Variants in ABLIM2 observed in about 807,000 individuals in gnomAD.
ABLIM2 encodes actin-binding LIM protein 2.
ABLIM2 carries 53 observed loss-of-function variants against 97.7 expected under a neutral mutation model. The ratio of observed to expected loss-of-function variants is 0.54; its 90% confidence interval spans 0.44 to 0.68. ABLIM2 has a LOEUF of 0.68. ABLIM2 is among the 30% of genes least tolerant of loss of function. The pLI is 0.00. For missense variants in ABLIM2, 835 were observed against 867.2 expected, an observed-to-expected ratio of 0.96 and a Z score of 0.47; for synonymous variants, 361 against 345.8, an observed-to-expected ratio of 1.04 and a Z score of -0.49.
At chr4:8,027,918 T>C in intron 11 of ABLIM2, 61 bp from the exon 12 acceptor site, 5 of 1,210,336 alleles carry the variant, frequency 4.1e-6, no homozygotes, top group Non-Finnish European at 5.7e-6. Flanking sequence ...ACGCCACACA[T>C]ATTCCTCATC....
In ABLIM2 at chr4:8,054,209, G is replaced by T; in HGVS notation, c.801C>A (p.Ala267=). ...CAACCTTGTTTCTGTCTTCAGTTCT[G>T]GCTGCTTGTCGACACGCCGGATGCC... ...SIWHPACRQA[A]RTEDRNKETR... is the part of the protein sequence containing the mutation. The change falls in exon 8 of 21, where the codon GCC becomes GCA. Residue 267 remains alanine, a synonymous_variant. Transcript: ENST00000447017. The surrounding 1 kb of genome is among the most constrained non-coding windows in gnomAD (Gnocchi z 4.9). 2 of 1,614,030 alleles carry T rather than the reference G, an allele frequency of 1.2e-6. No individual in the cohort carries two copies. Among genetic ancestry groups the T allele is most frequent in the South Asian group, 2.2e-5 (2 of 91,088 alleles).
At position 8,021,119 on chromosome 4, in the gene ABLIM2, G is replaced by T. The variant is rs1459402945; in HGVS notation, c.1268-816C>A. ...AATCTGCCCACCTCTACCTCCCAAGGTGCTGGGATTACAGGCATGAGCCAC... is the reference window on the plus strand; with the variant it reads ...AATCTGCCCACCTCTACCTCCCAAGTTGCTGGGATTACAGGCATGAGCCAC... On this transcript the variant is annotated intron_variant, in intron 12 of 20. Coordinates refer to ENST00000447017, the MANE Select transcript of ABLIM2 (RefSeq NM_001130083.2). The surrounding 1 kb of genome is among the most constrained non-coding windows in gnomAD (Gnocchi z 5.5). 6.6e-6 allele frequency among the ~76,000 whole-genome samples: 1 copy of T among 152,030 alleles called. No homozygotes were observed. The highest frequency in any genetic ancestry group is 1.5e-5 in the Non-Finnish European group (1 of 67,992).
intron 7 of ABLIM2, among the ~76,000 whole-genome samples, chr4:8,057,761 C>T (rs1430767823): frequency 6.6e-6 from 1 of 152,238 alleles, no homozygotes. Context: ...TGGCCTGCCT[C>T]ATCGCCCAGG....
intron 3 of ABLIM2, among the ~76,000 whole-genome samples, chr4:8,096,066 G>A (rs533373235): frequency 1.3e-5 from 2 of 152,206 alleles, no homozygotes; most frequent in South Asian, 4.2e-4. Context: ...CCTGCCTCAG[G>A]ACGATGCCAC....
chr4:7,968,743 C>T (rs1190905171), intron 20 of ABLIM2, among the ~76,000 whole-genome samples: 4 of 152,066 alleles, frequency 2.6e-5, no homozygotes, highest in East Asian at 1.9e-4. Flanking sequence ...GAAAATGTTC[C>T]GGAGCTGGAA....
intron 17 of ABLIM2, among the ~76,000 whole-genome samples, chr4:7,990,446 A>G (rs914319925): frequency 6.6e-6 from 1 of 152,136 alleles, no homozygotes; most frequent in Non-Finnish European, 1.5e-5. Flanking sequence ...TCGGCCTCCC[A>G]AAGTGCTGAG....
rs1413310301 is a variant in ABLIM2 at position 8,004,836 on chromosome 4, G to T, written c.1618+3223C>A. ...CCTATGTGTAATATAAACAGGAACA[G>T]AAAAGCAGTCAATAATAAAATATAG... On this transcript the variant is annotated intron_variant, in intron 16 of 20. Transcript: ENST00000447017. The surrounding 1 kb of genome is among the most constrained non-coding windows in gnomAD (Gnocchi z 5.9). 6.6e-6 allele frequency among the ~76,000 whole-genome samples: 1 copy of T among 152,210 alleles called. No homozygotes were observed. The highest frequency in any genetic ancestry group is 6.5e-5 in the Admixed American group (1 of 15,282).
At position 8,130,959 on chromosome 4, in the gene ABLIM2, GTTA is replaced by G. The variant is rs1849272968; in HGVS notation, c.11-24325_11-24323del. On this transcript the variant is annotated intron_variant, in intron 1 of 20. Coordinates refer to ENST00000447017, the MANE Select transcript of ABLIM2 (RefSeq NM_001130083.2). The surrounding 1 kb of genome is among the most constrained non-coding windows in gnomAD (Gnocchi z 4.2). ...CCCAAAGGCTCTAGGGGAGGCTGCC[GTTA>G]CCTCGCCCTGCTCTTGGGGCAGCCT... Among the ~76,000 whole-genome samples the G allele has an allele frequency of 6.6e-6, 1 of 152,046 alleles. No homozygotes were observed. Among genetic ancestry groups the G allele is most frequent in the African/African-American group, 2.4e-5 (1 of 41,380 alleles).
In ABLIM2 at chr4:8,001,854, T is replaced by C. The variant is rs112724431; in HGVS notation, c.1618+6205A>G. ...CTCCCTCCTGGGCGCTCCTCCCCAC[T>C]TCCTCTGTGGAATCTCCTGCCCCCC... On this transcript the variant is annotated intron_variant, in intron 16 of 20. Transcript: ENST00000447017. The surrounding 1 kb of genome is among the most constrained non-coding windows in gnomAD (Gnocchi z 4.2). Among the ~76,000 whole-genome samples the C allele has an allele frequency of 0.029, 4,468 of 152,230 alleles. 110 individuals carry two copies. The highest frequency in any genetic ancestry group is 0.066 in the African/African-American group (2,752 of 41,538).
intron 11 of ABLIM2, among the ~76,000 whole-genome samples, chr4:8,029,029 G>A (rs1779172276): frequency 6.6e-6 from 1 of 152,204 alleles, no homozygotes; most frequent in Non-Finnish European, 1.5e-5. Context: ...ACGCTCAGGG[G>A]GTCGAGGAGT....
chr4:7,983,250 A>G lies in ABLIM2; in HGVS notation c.1824+14T>C. On this transcript the variant is annotated intron_variant, in intron 20 of 20. Transcript: ENST00000447017. Reference sequence around the variant, plus strand: ...TGGGAAATGAGTCCCCTGCCCCGGCAGTCCCCCGCTTACCTCCAGTCTCGT... The same window carrying G: ...TGGGAAATGAGTCCCCTGCCCCGGCGGTCCCCCGCTTACCTCCAGTCTCGT... 1 of 1,605,196 alleles carries G rather than the reference A, an allele frequency of 6.2e-7. No individual in the cohort carries two copies. The highest frequency in any genetic ancestry group is 1.3e-5 in the African/African-American group (1 of 74,972).
At chr4:8,010,354 C>T in intron 14 of ABLIM2, 1 of 985,460 alleles carries the variant, frequency 1.0e-6, no homozygotes, top group Non-Finnish European at 1.2e-6. Flanking sequence ...AACAATTACA[C>T]AAAAACCCGT....
chr4:7,984,199 C>G (rs1354749559), intron 18 of ABLIM2, among the ~76,000 whole-genome samples: 1 of 152,232 alleles, frequency 6.6e-6, no homozygotes, highest in Non-Finnish European at 1.5e-5. Flanking sequence ...CCCTGAGTTT[C>G]ACCACTTGCC....
At chr4:8,158,657 G>A in intron 1 of ABLIM2, 23 bp downstream of exon 1, 1 of 1,503,608 alleles carries the variant, frequency 6.7e-7, no homozygotes. Context: ...GGACCCGTTG[G>A]TCCCTCGGTC....
chr4:7,975,320 G>A (rs550757773), intron 20 of ABLIM2, among the ~76,000 whole-genome samples: 14 of 152,186 alleles, frequency 9.2e-5, no homozygotes, highest in Non-Finnish European at 1.9e-4. Flanking sequence ...CCTCTTATGA[G>A]CTCTGTGTGC....
rs74586866 is a variant in ABLIM2, at chr4:8,012,604, C to A, written c.1424-3502G>T. Among the ~76,000 whole-genome samples, 147 of 148,128 alleles carry A rather than the reference C, an allele frequency of 9.9e-4. 1 individual carries two copies. The East Asian group carries it at 0.025, about 26-fold the overall frequency. ...ATCCACCCATTCTTCACCCATCCAT[C>A]GAGCCAGCCACCCAACCATCCATCT... On this transcript the variant is annotated intron_variant, in intron 14 of 20. Transcript: ENST00000447017.
rs765179343 is a variant in ABLIM2, at chr4:8,120,085, G to T, written c.11-13448C>A. 1.2e-4 allele frequency among the ~76,000 whole-genome samples: 19 copies of T among 152,294 alleles called. No individual in the cohort carries two copies. Among genetic ancestry groups the T allele is most frequent in the Admixed American group, 2.6e-4 (4 of 15,312 alleles). ...GACAGGCACAGACGTCGGGCGGCAG[G>T]GTCCCTGGCGGCCCCCAGAGCCTGA... On this transcript the variant is annotated intron_variant, in intron 1 of 20. Coordinates refer to ENST00000447017, the MANE Select transcript of ABLIM2 (RefSeq NM_001130083.2). This position sits in a 1 kb window ranked among gnomAD's most constrained non-coding sequence, Gnocchi z 5.6.
rs745444362 is a variant in ABLIM2, at chr4:8,097,157, C to T, written c.280G>A (p.Val94Met). ...FSCDQFIEGEVVSALGKTYHP... is the reference protein window; with the variant it reads ...FSCDQFIEGEMVSALGKTYHP... ...TAGGTCTTGCCCAGCGCCGACACCA[C>T]CTCACCCTCAATGAACTGGTCGCAG... The change falls in exon 3 of 21, where the codon GTG becomes ATG. Residue 94 changes from valine to methionine, a missense_variant. Physicochemically the swap from Val to Met is conservative, Grantham distance 21. Coordinates refer to ENST00000447017, the MANE Select transcript of ABLIM2 (RefSeq NM_001130083.2). 2 of 1,610,800 alleles carry T rather than the reference C, an allele frequency of 1.2e-6. No homozygotes were observed. The highest frequency in any genetic ancestry group is 1.7e-6 in the Non-Finnish European group (2 of 1,178,778).
chr4:8,028,400 T>C (rs1778793422), intron 11 of ABLIM2, among the ~76,000 whole-genome samples: 1 of 151,940 alleles, frequency 6.6e-6, no homozygotes, highest in Admixed American at 6.6e-5. Context: ...CTCACTCATT[T>C]ATTCACTCAT....
Sources: allele counts gnomAD v4.1 joint callset (sites outside exome capture counted in the v4.1 genomes callset), GRCh38; gene constraint gnomAD v4.1.1; non-coding constraint Gnocchi (gnomAD v3.1); transcripts MANE v1.5; gene names NCBI Gene and HGNC (gene_info 2026-07-23, HGNC 2026-07-21).